Variants in GAD1 observed in about 807,000 individuals in gnomAD.
GAD1 encodes 67 kDa glutamic acid decarboxylase.
Under a neutral mutation model 75.2 loss-of-function variants are expected in GAD1, and 35 were observed. The ratio of observed to expected loss-of-function variants is 0.47; its 90% confidence interval spans 0.36 to 0.62. The LOEUF (loss-of-function observed/expected upper bound fraction) is 0.62, where lower values mean the gene tolerates loss of function less well. Ranked by LOEUF, GAD1 falls within the 20% of genes least tolerant of loss-of-function variation. The pLI is 0.00. For missense variants in GAD1, 490 were observed against 758.5 expected (o/e 0.65, Z 4.16); for synonymous variants, 257 against 271.9 (o/e 0.95, Z 0.54).
chr2:170,842,816 C>T (rs1328123523), intron 6 of GAD1: 9 of 1,223,218 alleles, frequency 7.4e-6, no homozygotes, highest in African/African-American at 1.5e-5. Flanking sequence ...ATTAATTTGA[C>T]TGCTTTTTTC....
rs113828797 is a variant in GAD1, at chr2:170,859,706, A to G, written c.1612-3A>G. On this transcript the variant is annotated splice_polypyrimidine_tract_variant and splice_region_variant and intron_variant, in intron 16 of 16. Transcript: ENST00000358196. ...AGTTTTGTTTTGTGTTTTCCATCAC[A>G]AGGTGGCTCCAAAAATCAAAGCCCT... 3,188 of 1,614,116 alleles carry G rather than the reference A, an allele frequency of 2.0e-3. 17 individuals carry two copies. Among genetic ancestry groups the G allele is most frequent in the South Asian group, 6.0e-3 (549 of 91,066 alleles).
chr2:170,857,693 T>C (rs1048657637), intron 15 of GAD1, among the ~76,000 whole-genome samples: 1 of 152,238 alleles, frequency 6.6e-6, no homozygotes, highest in Admixed American at 6.5e-5. Context: ...AGACTTGTTC[T>C]AAAATAAGGT....
At position 170,818,475 on chromosome 2, in the gene GAD1, C is replaced by T; in HGVS notation, c.-63-54C>T. On this transcript the variant is annotated intron_variant, in intron 1 of 16. Coordinates refer to ENST00000358196, the MANE Select transcript of GAD1 (RefSeq NM_000817.3). This position sits in a 1 kb window ranked among gnomAD's most constrained non-coding sequence, Gnocchi z 5.9. ...CGTGCCCCCGGCTGCTCAGTCCCTC[C>T]GGTGTGCAGGACCCCGGAAGTCCTC... The T allele has an allele frequency of 2.1e-6, 2 of 930,560 alleles. No homozygotes were observed. The highest frequency in any genetic ancestry group is 3.6e-6 in the Non-Finnish European group (2 of 559,458). 57.6% of individuals were successfully genotyped at this position (930,560 alleles called of 1,614,324 possible).
At chr2:170,856,683 T>A (rs868802719) in intron 14 of GAD1, among the ~76,000 whole-genome samples, 86 of 152,206 alleles carry the variant, frequency 5.7e-4, no homozygotes, top group African/African-American at 2.1e-3. Context: ...ATTTCTACAC[T>A]CATTTGATTG....
At chr2:170,822,255 T>C in intron 3 of GAD1, 106 bp downstream of exon 3, 1 of 954,788 alleles carries the variant, frequency 1.0e-6, no homozygotes, top group Non-Finnish European at 1.6e-6. Context: ...CTCATGGGTC[T>C]GATTTTCTAA....
chr2:170,820,279 G>C (rs868648875), intron 2 of GAD1, among the ~76,000 whole-genome samples: 1 of 152,200 alleles, frequency 6.6e-6, no homozygotes, highest in Admixed American at 6.5e-5. Context: ...CCAAGTCACC[G>C]GTAGGAGACA....
At position 170,844,064 on chromosome 2, in the gene GAD1, C is replaced by A. The variant is rs1353823088; in HGVS notation, c.658C>A (p.Pro220Thr). The change falls in exon 7 of 17, where the codon CCA (proline) becomes ACA (threonine). Residue 220 changes from proline (P) to threonine (T), a missense_variant. Around this residue, in one of 3 missense-constraint regions of GAD1, gnomAD observed 324 missense variants for 523.9 expected, o/e 0.62. Transcript: ENST00000358196. ...TTCCAGGTTTACATATGAAATTGCACCAGTGTTTGTCCTCATGGAACAAAT... is the reference window on the plus strand; with the variant it reads ...TTCCAGGTTTACATATGAAATTGCAACAGTGTTTGTCCTCATGGAACAAAT... ...NTNMFTYEIA[P>T]VFVLMEQITL... 6.2e-7 allele frequency: 1 copy of A among 1,600,358 alleles called. No individual in the cohort carries two copies. The highest frequency in any genetic ancestry group is 2.2e-5 in the East Asian group (1 of 44,764).
chr2:170,846,038 CA>C lies in GAD1; in HGVS notation c.982del (p.Ile328PhefsTer66). 1 of 1,613,718 alleles carries C rather than the reference CA, an allele frequency of 6.2e-7. No individual in the cohort carries two copies. On this transcript the variant is annotated frameshift_variant, in exon 10 of 17. Coordinates refer to ENST00000358196, the MANE Select transcript of GAD1 (RefSeq NM_000817.3). LOFTEE classifies it high-confidence loss of function. ...AAAATAATTCCAGCTGATTTTGAGG[CA>C]AAAATTCTTGAAGCCAAACAGAAGG... The part of the protein sequence containing the change: ...RGKIIPADFE[A>X]KILEAKQKGY...
chr2:170,836,663 T>G, intron 5 of GAD1, 130 bp from the exon 6 acceptor site: 1 of 725,004 alleles, frequency 1.4e-6, no homozygotes, highest in Non-Finnish European at 2.5e-6. Flanking sequence ...TCAATATCCT[T>G]GAGCAGCCTT....
intron 6 of GAD1, among the ~76,000 whole-genome samples, chr2:170,840,252 C>A (rs1310678385): frequency 6.6e-6 from 1 of 152,168 alleles, no homozygotes; most frequent in Admixed American, 6.5e-5. Context: ...AGGCAACCAC[C>A]GCACAGTCAC....
chr2:170,827,338 A>G (rs1326199692), intron 3 of GAD1, among the ~76,000 whole-genome samples: 2 of 152,246 alleles, frequency 1.3e-5, no homozygotes, highest in African/African-American at 4.8e-5. Context: ...TGGTATTTAC[A>G]GAAACAGCTT....
chr2:170,821,703 T>A (rs1701885759), intron 2 of GAD1: 2 of 245,554 alleles, frequency 8.1e-6, no homozygotes, highest in Non-Finnish European at 1.6e-5. Flanking sequence ...GCCCTTTGAG[T>A]CTGCGGGGCC....
chr2:170,814,589 T>C (rs1168795861), upstream of GAD1, among the ~76,000 whole-genome samples: 1 of 152,218 alleles, frequency 6.6e-6, no homozygotes, highest in Non-Finnish European at 1.5e-5. Flanking sequence ...GCAGGGACAA[T>C]GCAAGCTCCA....
In GAD1 at chr2:170,860,721, A is replaced by C. The variant is rs1385400907; in HGVS notation, c.*839A>C. On this transcript the variant is annotated 3_prime_UTR_variant, in exon 17 of 17. Coordinates refer to ENST00000358196, the MANE Select transcript of GAD1 (RefSeq NM_000817.3). Reference sequence around the variant, plus strand: ...CGTGCATTTGTGAGCCAAAGAGAAAAGATTAAAATTAGTGAGATTTGTATT... The same window carrying C: ...CGTGCATTTGTGAGCCAAAGAGAAACGATTAAAATTAGTGAGATTTGTATT... 1 of 152,674 alleles carries C rather than the reference A, an allele frequency of 6.5e-6. No homozygotes were observed. Among genetic ancestry groups the C allele is most frequent in the East Asian group, 1.9e-4 (1 of 5,208 alleles). 9.5% of individuals were successfully genotyped at this position (152,674 alleles called of 1,614,324 possible).
chr2:170,855,872 C>CAAAAAA (rs71008727), intron 14 of GAD1, among the ~76,000 whole-genome samples: 15 of 111,640 alleles, frequency 1.3e-4, no homozygotes, highest in African/African-American at 4.0e-4. Flanking sequence ...GACTCCATCT[C>CAAAAAA]AAAAAAAAAA....
intron 16 of GAD1, among the ~76,000 whole-genome samples, 199 bp downstream of exon 16, chr2:170,859,092 G>A (rs932938248): frequency 6.6e-6 from 1 of 152,076 alleles, no homozygotes; most frequent in Non-Finnish European, 1.5e-5. Context: ...TGGTTACCAC[G>A]GGAACTTCTA....
chr2:170,821,235 G>T (rs570975152), intron 2 of GAD1, among the ~76,000 whole-genome samples: 1 of 152,184 alleles, frequency 6.6e-6, no homozygotes, highest in African/African-American at 2.4e-5. Flanking sequence ...TGGGGATGGG[G>T]CTGCTTCCCA....
Position 170,859,784 on chromosome 2 carries a change from G to A in GAD1, c.1687G>A (p.Ala563Thr). 1 of 1,614,140 alleles carries A rather than the reference G, an allele frequency of 6.2e-7. No individual in the cohort carries two copies. The highest frequency in any genetic ancestry group is 8.5e-7 in the Non-Finnish European group (1 of 1,180,010). Residue 563 changes from alanine (A) to threonine (T), a missense_variant, in exon 17 of 17, where the codon GCC (alanine) becomes ACC (threonine). Around this residue, in one of 3 missense-constraint regions of GAD1, gnomAD observed 324 missense variants for 523.9 expected, o/e 0.62. Transcript: ENST00000358196. ...TGGCTACCAGCCCCAAGGGGACAAG[G>A]CCAACTTCTTCCGGATGGTCATCTC... ...MVGYQPQGDKANFFRMVISNP... is the reference protein window; with the variant it reads ...MVGYQPQGDKTNFFRMVISNP...
At position 170,838,805 on chromosome 2, in the gene GAD1, C is replaced by T. The variant is rs3791852; in HGVS notation, c.638+1922C>T. ...GCAAAACACTAAAATGTGTCCCAGCCATCTGAGGTCAAGGCCAATCCAACT... is the reference window on the plus strand; with the variant it reads ...GCAAAACACTAAAATGTGTCCCAGCTATCTGAGGTCAAGGCCAATCCAACT... On this transcript the variant is annotated intron_variant, in intron 6 of 16. Coordinates refer to ENST00000358196, the MANE Select transcript of GAD1 (RefSeq NM_000817.3). 7.9e-4 allele frequency among the ~76,000 whole-genome samples: 120 copies of T among 152,328 alleles called. 1 individual carries two copies. The East Asian group carries it at 0.022, about 28-fold the overall frequency.
Sources: allele counts gnomAD v4.1 joint callset (sites outside exome capture counted in the v4.1 genomes callset), GRCh38; gene constraint gnomAD v4.1.1; regional missense constraint gnomAD v4.1.1; non-coding constraint Gnocchi (gnomAD v3.1); transcripts MANE v1.5; gene names NCBI Gene and HGNC (gene_info 2026-07-23, HGNC 2026-07-21).